ADAM28: variants seen among roughly 807,000 people sequenced by gnomAD.
ADAM28 encodes disintegrin and metalloproteinase domain-containing protein 28.
Under a neutral mutation model 101.2 loss-of-function variants are expected in ADAM28, and 105 were observed. The ratio of observed to expected loss-of-function variants is 1.04; its 90% confidence interval spans 0.89 to 1.22. ADAM28 has a LOEUF of 1.22. Ranked by LOEUF, ADAM28 falls within the 50% of genes most tolerant of loss-of-function variation. The pLI is 0.00. For synonymous variants in ADAM28, 322 were observed against 310.6 expected (o/e 1.04, Z -0.39); for missense variants, 1,028 against 945.4 (o/e 1.09, Z -1.15).
intron 6 of ADAM28, among the ~76,000 whole-genome samples, chr8:24,317,222 A>G (rs1197791086): frequency 6.6e-6 from 1 of 152,074 alleles, no homozygotes; most frequent in East Asian, 1.9e-4. Context: ...GAACCACAGA[A>G]TATCCCAAAT....
At chr8:24,301,535 TA>T (rs1808777576) in intron 2 of ADAM28, among the ~76,000 whole-genome samples, 1 of 152,140 alleles carries the variant, frequency 6.6e-6, no homozygotes, top group Non-Finnish European at 1.5e-5. Context: ...TCAACAAACA[TA>T]TAACTTAAGT....
rs1212324996 is a variant in ADAM28 at position 24,358,171 on chromosome 8, T to C, written c.*3767T>C. On this transcript the variant is annotated 3_prime_UTR_variant, in exon 23 of 23. Coordinates refer to ENST00000265769, the MANE Select transcript of ADAM28 (RefSeq NM_014265.6). The stretch of plus-strand genomic sequence containing the variant: ...TTATTACTGCTTCCCACAGTAAATA[T>C]TTTTCAGAAGTACATGCTTTCTCAG... 1 of 152,214 alleles carries C rather than the reference T, an allele frequency of 6.6e-6. No homozygotes were observed. Among genetic ancestry groups the C allele is most frequent in the Non-Finnish European group, 1.5e-5 (1 of 68,022 alleles). 9.4% of individuals were successfully genotyped at this position (152,214 alleles called of 1,614,324 possible).
chr8:24,335,816 G>A lies in ADAM28; in HGVS notation c.1567+175G>A, dbSNP rs1317495292. On this transcript the variant is annotated intron_variant, in intron 14 of 22. Transcript: ENST00000265769. ...GTTTTAGGGTTGCTAGATTTAGCAA[G>A]TAAAAATAAGGATGGCCCCGTTAAA... The A allele has an allele frequency of 4.7e-6, 6 of 1,273,124 alleles. No individual in the cohort carries two copies. The East Asian group carries it at 9.1e-5, about 19-fold the overall frequency. 78.9% of individuals were successfully genotyped at this position (1,273,124 alleles called of 1,614,324 possible).
At chr8:24,319,979 C>T (rs747074379) in intron 6 of ADAM28, among the ~76,000 whole-genome samples, 17 of 151,914 alleles carry the variant, frequency 1.1e-4, no homozygotes, top group Non-Finnish European at 2.5e-4. Context: ...ATTTCTAGCT[C>T]CCCTATTGTA....
Position 24,358,176 on chromosome 8 carries a change from C to G in ADAM28, c.*3772C>G, listed in dbSNP as rs906681649. Reference sequence around the variant, plus strand: ...ACTGCTTCCCACAGTAAATATTTTTCAGAAGTACATGCTTTCTCAGCCACT... The same window carrying G: ...ACTGCTTCCCACAGTAAATATTTTTGAGAAGTACATGCTTTCTCAGCCACT... On this transcript the variant is annotated 3_prime_UTR_variant, in exon 23 of 23. Transcript: ENST00000265769. The G allele has an allele frequency of 6.6e-6, 1 of 152,128 alleles. No individual in the cohort carries two copies. Among genetic ancestry groups the G allele is most frequent in the Non-Finnish European group, 1.5e-5 (1 of 68,010 alleles). The allele number at this position is 152,128 out of a possible 1,614,324, so 9.4% of individuals were successfully genotyped here. A position where few individuals can be genotyped will look rare whatever the true frequency, so the allele number is the denominator to read the frequency against.
intron 13 of ADAM28, among the ~76,000 whole-genome samples, chr8:24,333,171 G>A (rs559407355): frequency 1.8e-4 from 28 of 152,212 alleles, no homozygotes; most frequent in East Asian, 1.2e-3. Flanking sequence ...AAGGAGGCTC[G>A]GAAAATGGGG....
In ADAM28 at chr8:24,320,320, G is replaced by C. The variant is rs530564988; in HGVS notation, c.648+13G>C. 255 of 1,551,010 alleles carry C rather than the reference G, an allele frequency of 1.6e-4. 7 individuals are homozygous for C. In the South Asian group the frequency reaches 2.8e-3, roughly 17 times the overall value. ...GGATAATGGTGAGGTAATTATATGA[G>C]ATAAATGTGCTGTCTTCCAAAACTC... On this transcript the variant is annotated intron_variant, in intron 7 of 22. Coordinates refer to ENST00000265769, the MANE Select transcript of ADAM28 (RefSeq NM_014265.6).
chr8:24,314,469 T>C (rs1411982381), intron 6 of ADAM28, among the ~76,000 whole-genome samples: 1 of 152,172 alleles, frequency 6.6e-6, no homozygotes. Context: ...CTTACTTTTA[T>C]TTCTTATTGA....
rs1812656787 is a variant in ADAM28, at chr8:24,326,638, C to T, written c.972+3C>T. The T allele has an allele frequency of 6.2e-7, 1 of 1,609,634 alleles. No individual in the cohort carries two copies. Among genetic ancestry groups the T allele is most frequent in the Non-Finnish European group, 8.5e-7 (1 of 1,177,130 alleles). ...CTTATTCTGTTGGCGTTGTTCAGGT[C>T]TGTATGATGATAAACTGTTGGTTCT... On this transcript the variant is annotated splice_donor_region_variant and intron_variant, in intron 10 of 22. Coordinates refer to ENST00000265769, the MANE Select transcript of ADAM28 (RefSeq NM_014265.6).
chr8:24,306,840 C>T (rs1809758975), intron 2 of ADAM28, among the ~76,000 whole-genome samples: 1 of 152,158 alleles, frequency 6.6e-6, no homozygotes, highest in African/African-American at 2.4e-5. Flanking sequence ...CAGATTCTGT[C>T]CTATCCACAG....
intron 16 of ADAM28, among the ~76,000 whole-genome samples, chr8:24,342,452 C>A (rs146660751): frequency 1.1e-4 from 17 of 152,182 alleles, no homozygotes; most frequent in Non-Finnish European, 1.8e-4. Flanking sequence ...GGTCTCTGAA[C>A]CCCTGGAGCT....
At chr8:24,323,237 G>T (rs2129290309) in intron 8 of ADAM28, among the ~76,000 whole-genome samples, 1 of 151,908 alleles carries the variant, frequency 6.6e-6, no homozygotes, top group Middle Eastern at 3.4e-3. Context: ...ATTCATGAGG[G>T]CTCCACTCTC....
At chr8:24,294,840 C>T (rs929202583) in intron 1 of ADAM28, among the ~76,000 whole-genome samples, 1 of 152,176 alleles carries the variant, frequency 6.6e-6, no homozygotes, top group African/African-American at 2.4e-5. Flanking sequence ...TACTTCCTAA[C>T]AGGAAATTAT....
chr8:24,335,538 T>C lies in ADAM28; in HGVS notation c.1464T>C (p.Asp488=), dbSNP rs763029585. The stretch of plus-strand genomic sequence containing the variant: ...GTAAATCTGGTAATTGTCCTGATGA[T>C]AGATTCCAAGTCAATGGCTTCCCTT... The part of the protein sequence containing the change: ...CNGKSGNCPD[D]RFQVNGFPCH... The change falls in exon 14 of 23, where the codon GAT becomes GAC. Residue 488 remains aspartate (D), a synonymous_variant. Transcript: ENST00000265769. The C allele has an allele frequency of 1.9e-6, 3 of 1,614,018 alleles. No homozygotes were observed. The highest frequency in any genetic ancestry group is 2.2e-5 in the South Asian group (2 of 91,088).
intron 19 of ADAM28, among the ~76,000 whole-genome samples, 185 bp from the exon 20 acceptor site, chr8:24,351,047 T>C (rs1324342015): frequency 2.0e-5 from 3 of 152,164 alleles, no homozygotes; most frequent in Non-Finnish European, 4.4e-5. Flanking sequence ...GTAGTGATTA[T>C]GAATTACAAG....
intron 9 of ADAM28, among the ~76,000 whole-genome samples, chr8:24,324,787 T>C (rs941641361): frequency 8.6e-5 from 13 of 152,014 alleles, no homozygotes; most frequent in Admixed American, 4.6e-4. Context: ...TCCCCTTTCA[T>C]GTGCCTAACT....
At chr8:24,338,002 G>A (rs948329364) in intron 14 of ADAM28, among the ~76,000 whole-genome samples, 1 of 152,196 alleles carries the variant, frequency 6.6e-6, no homozygotes, top group African/African-American at 2.4e-5. Context: ...TTAATGTTCA[G>A]TGTCACAGAA....
intron 2 of ADAM28, among the ~76,000 whole-genome samples, chr8:24,302,005 G>C (rs1808844755): frequency 6.6e-6 from 1 of 152,108 alleles, no homozygotes; most frequent in South Asian, 2.1e-4. Flanking sequence ...AGATAAACGT[G>C]TGCCATGGTG....
At chr8:24,336,399 C>T (rs1454420834) in intron 14 of ADAM28, among the ~76,000 whole-genome samples, 6 of 151,212 alleles carry the variant, frequency 4.0e-5, no homozygotes, top group Middle Eastern at 3.4e-3. Context: ...CTGGCTAACA[C>T]GGTGAAACCC....
Sources: gnomAD v4.1 joint callset for allele counts (sites outside exome capture counted in the v4.1 genomes callset) on GRCh38, gnomAD v4.1.1 for gene constraint, MANE v1.5 for transcripts, NCBI Gene and HGNC (gene_info 2026-07-23, HGNC 2026-07-21) for gene names.